The following ROBO1 variants were observed in gnomAD, a reference collection of about 807,000 sequenced individuals.
The protein encoded by ROBO1 is roundabout guidance receptor 1, also known as roundabout homolog 1.
In ROBO1, 149 loss-of-function variants were observed where a neutral mutation model predicts 195.9. The observed-to-expected ratio is 0.76, with a 90% confidence interval of 0.67 to 0.87. The LOEUF (loss-of-function observed/expected upper bound fraction) is 0.87, where lower values mean the gene tolerates loss of function less well. Among genes scored for constraint, ROBO1 ranks in the 40% least tolerant of loss-of-function variants. ROBO1 has a pLI of 0.00. For missense variants in ROBO1, 1,933 were observed against 2,068.3 expected (o/e 0.93, Z 1.27); for synonymous variants, 816 against 733.2 (o/e 1.11, Z -1.82).
intron 2 of ROBO1, among the ~76,000 whole-genome samples, chr3:79,300,758 C>T (rs2032899560): frequency 6.6e-6 from 1 of 152,024 alleles, no homozygotes. Flanking sequence ...CTGTATCTAG[C>T]TCAAGGTTTG....
At chr3:79,473,889 G>A (rs1464350306) in intron 2 of ROBO1, among the ~76,000 whole-genome samples, 1 of 152,106 alleles carries the variant, frequency 6.6e-6, no homozygotes, top group South Asian at 2.1e-4. Flanking sequence ...ATTTCATACC[G>A]AATACCAACT....
chr3:79,615,521 A>C (rs1279542428), intron 1 of ROBO1, among the ~76,000 whole-genome samples: 2 of 152,160 alleles, frequency 1.3e-5, no homozygotes, highest in African/African-American at 4.8e-5. Flanking sequence ...ATAAACTTCT[A>C]AATTGGTTGA....
chr3:79,665,776 CATAG>C (rs1218506871), intron 1 of ROBO1, among the ~76,000 whole-genome samples: 2 of 151,736 alleles, frequency 1.3e-5, no homozygotes, highest in Non-Finnish European at 2.9e-5. Context: ...GAAAAAATGT[CATAG>C]ATAAAGAGAG....
intron 3 of ROBO1, among the ~76,000 whole-genome samples, chr3:79,037,099 T>A (rs1321907220): frequency 6.6e-6 from 1 of 152,070 alleles, no homozygotes; most frequent in African/African-American, 2.4e-5. Flanking sequence ...ACTGATCACA[T>A]CTAGATTTCA....
At chr3:79,156,724 T>C (rs565712511) in intron 2 of ROBO1, among the ~76,000 whole-genome samples, 17 of 151,840 alleles carry the variant, frequency 1.1e-4, no homozygotes, top group Non-Finnish European at 2.1e-4. Context: ...CTACTAAAAT[T>C]ATAAGTTAAA....
chr3:78,971,582 G>A (rs968172386), intron 3 of ROBO1, among the ~76,000 whole-genome samples: 6 of 152,116 alleles, frequency 3.9e-5, no homozygotes, highest in African/African-American at 1.4e-4. Flanking sequence ...AAAGTGGCCA[G>A]GCCAACCATA....
chr3:79,446,709 T>C (rs1348273379), intron 2 of ROBO1, among the ~76,000 whole-genome samples: 1 of 152,200 alleles, frequency 6.6e-6, no homozygotes, highest in East Asian at 1.9e-4. Flanking sequence ...TTTGGGGCCA[T>C]ATCAGTATTT....
At chr3:79,572,375 CTG>C (rs1943307382) in intron 2 of ROBO1, among the ~76,000 whole-genome samples, 1 of 151,898 alleles carries the variant, frequency 6.6e-6, no homozygotes, top group African/African-American at 2.4e-5. Flanking sequence ...AAATAATAAA[CTG>C]AATATTCATG....
intron 2 of ROBO1, among the ~76,000 whole-genome samples, chr3:79,214,046 G>A (rs1329210536): frequency 4.0e-5 from 6 of 151,756 alleles, no homozygotes; most frequent in African/African-American, 1.2e-4. Context: ...GGCTGGTCTC[G>A]AATTCCTGAC....
chr3:79,011,686 T>G (rs1159266466), intron 3 of ROBO1, among the ~76,000 whole-genome samples: 1 of 148,780 alleles, frequency 6.7e-6, no homozygotes. Context: ...TAAATATATA[T>G]GTTTTTCATA....
intron 2 of ROBO1, among the ~76,000 whole-genome samples, chr3:79,224,097 C>T (rs2082186006): frequency 6.6e-6 from 1 of 152,194 alleles, no homozygotes; most frequent in South Asian, 2.1e-4. Context: ...GATGCAAACT[C>T]ATTAGAAAAA....
intron 3 of ROBO1, among the ~76,000 whole-genome samples, chr3:79,116,298 C>A (rs181379087): frequency 6.8e-6 from 1 of 147,632 alleles, no homozygotes; most frequent in East Asian, 2.0e-4. Context: ...CTTTCTCTTT[C>A]TTTCTTTCCT....
intron 4 of ROBO1, among the ~76,000 whole-genome samples, chr3:78,926,399 A>G (rs949719838): frequency 6.6e-6 from 1 of 152,184 alleles, no homozygotes; most frequent in African/African-American, 2.4e-5. Context: ...GGAAATGGAG[A>G]TAAGTGGGAA....
rs1304597488 is a variant in ROBO1 at position 79,183,080 on chromosome 3, C to CAAAAAAAAAAAAAA, written c.89-57555_89-57542dup. On this transcript the variant is annotated intron_variant, in intron 2 of 30. Coordinates refer to ENST00000464233, the MANE Select transcript of ROBO1 (RefSeq NM_002941.4). ...TGGGTGACAGAGAGAGACTCCAACTCAAAAAAAAAAAAAAAAAGATACATA... is the reference window on the plus strand; with the variant it reads ...TGGGTGACAGAGAGAGACTCCAACTCAAAAAAAAAAAAAAAAAAAAAAAAAAAAAAAGATACATA... Among the ~76,000 whole-genome samples, 283 of 64,676 alleles carry CAAAAAAAAAAAAAA rather than the reference C, an allele frequency of 4.4e-3. 5 individuals carry two copies. Among genetic ancestry groups the CAAAAAAAAAAAAAA allele is most frequent in the African/African-American group, 0.011 (210 of 18,550 alleles). 42.4% of individuals were successfully genotyped at this position (64,676 alleles called of 152,430 possible).
At chr3:79,641,330 C>A (rs1327180312) in intron 1 of ROBO1, among the ~76,000 whole-genome samples, 3 of 152,070 alleles carry the variant, frequency 2.0e-5, no homozygotes, top group East Asian at 1.9e-4. Flanking sequence ...GATCAACCTT[C>A]CCTACACAAC....
chr3:79,061,879 C>T (rs906145706), intron 3 of ROBO1, among the ~76,000 whole-genome samples: 14 of 152,174 alleles, frequency 9.2e-5, no homozygotes, highest in Admixed American at 8.5e-4. Context: ...AAATGTTAGA[C>T]CTAAAACCAT....
At chr3:79,526,786 C>G (rs961730169) in intron 2 of ROBO1, among the ~76,000 whole-genome samples, 1 of 152,022 alleles carries the variant, frequency 6.6e-6, no homozygotes, top group East Asian at 1.9e-4. Flanking sequence ...AGACTAAATT[C>G]TATAATCTTT....
chr3:79,552,694 C>G (rs1942567194), intron 2 of ROBO1, among the ~76,000 whole-genome samples: 1 of 152,056 alleles, frequency 6.6e-6, no homozygotes, highest in African/African-American at 2.4e-5. Flanking sequence ...ATTAGCCTGG[C>G]ATTGGCAGAT....
At chr3:79,585,493 C>A (rs187080852) in intron 2 of ROBO1, among the ~76,000 whole-genome samples, 2 of 152,038 alleles carry the variant, frequency 1.3e-5, no homozygotes, top group African/African-American at 4.8e-5. Context: ...ATGAAAATAA[C>A]AAGAAACATA....
Sources: gnomAD v4.1 joint callset for allele counts (sites outside exome capture counted in the v4.1 genomes callset) on GRCh38, gnomAD v4.1.1 for gene constraint, MANE v1.5 for transcripts, NCBI Gene and HGNC (gene_info 2026-07-23, HGNC 2026-07-21) for gene names.